The following MAP6 variants were observed in gnomAD, a reference collection of about 807,000 sequenced individuals.
The protein encoded by MAP6 is microtubule associated protein 6.
Under a neutral mutation model 42.4 loss-of-function variants are expected in MAP6, and 26 were observed. That is an observed-to-expected ratio of 0.61 (90% CI 0.45 to 0.85). The LOEUF is 0.85. Among genes scored for constraint, MAP6 ranks in the 40% least tolerant of loss-of-function variants. MAP6 has a pLI of 0.00. For synonymous variants in MAP6, 418 were observed against 443.8 expected (o/e 0.94, Z 0.73); for missense variants, 966 against 1,099.0 (o/e 0.88, Z 1.71).
intron 1 of MAP6, among the ~76,000 whole-genome samples, chr11:75,658,069 A>G (rs1232304284): frequency 1.3e-5 from 2 of 152,214 alleles, no homozygotes; most frequent in Non-Finnish European, 2.9e-5. Flanking sequence ...CAATTTATGT[A>G]TCCTACTGTT....
Position 75,606,024 on chromosome 11 carries a change from G to A in MAP6, c.1120-20C>T, listed in dbSNP as rs199654964. Reference sequence around the variant, plus strand: ...TTCCACCTGTACGGAGAGACAGACCGCAAATACAGAAACACAAAAAGGTGG... The same window carrying A: ...TTCCACCTGTACGGAGAGACAGACCACAAATACAGAAACACAAAAAGGTGG... On this transcript the variant is annotated intron_variant, in intron 2 of 3. Transcript: ENST00000304771. 7.5e-6 allele frequency: 12 copies of A among 1,609,106 alleles called. No individual in the cohort carries two copies. Among genetic ancestry groups the A allele is most frequent in the East Asian group, 4.5e-5 (2 of 44,840 alleles).
At chr11:75,620,580 A>C (rs912051266) in intron 1 of MAP6, among the ~76,000 whole-genome samples, 2 of 152,196 alleles carry the variant, frequency 1.3e-5, no homozygotes, top group Non-Finnish European at 2.9e-5. Flanking sequence ...TGATGCCCTG[A>C]TACCAAGCCA....
chr11:75,614,427 G>A (rs915724760), intron 1 of MAP6, among the ~76,000 whole-genome samples: 2 of 152,154 alleles, frequency 1.3e-5, no homozygotes, highest in African/African-American at 4.8e-5. Context: ...TGGGAGTGGT[G>A]GTGCATGACT....
chr11:75,604,314 G>A, intron 3 of MAP6: 1 of 985,786 alleles, frequency 1.0e-6, no homozygotes, highest in African/African-American at 1.7e-5. Context: ...AATGGTCGGA[G>A]TAAGAGAGAG....
At chr11:75,644,477 T>C (rs932305591) in intron 1 of MAP6, among the ~76,000 whole-genome samples, 18 of 152,194 alleles carry the variant, frequency 1.2e-4, no homozygotes, top group African/African-American at 4.1e-4. Flanking sequence ...TATATAGTAA[T>C]TCACTTAATC....
chr11:75,615,635 A>C (rs1264979241), intron 1 of MAP6, among the ~76,000 whole-genome samples: 1 of 152,192 alleles, frequency 6.6e-6, no homozygotes, highest in East Asian at 1.9e-4. Context: ...TGAATGCTGA[A>C]GTCAACATTC....
intron 1 of MAP6, among the ~76,000 whole-genome samples, chr11:75,642,094 A>T (rs1943479903): frequency 6.6e-6 from 1 of 152,282 alleles, no homozygotes; most frequent in East Asian, 1.9e-4. Flanking sequence ...TTCTTTTAGC[A>T]CATTTACTAT....
At chr11:75,643,979 A>G (rs1419663917) in intron 1 of MAP6, among the ~76,000 whole-genome samples, 2 of 152,180 alleles carry the variant, frequency 1.3e-5, no homozygotes, top group Non-Finnish European at 2.9e-5. Flanking sequence ...ACCAATTTGC[A>G]TTTCAACATC....
intron 1 of MAP6, among the ~76,000 whole-genome samples, chr11:75,622,658 A>T (rs1232638805): frequency 2.6e-5 from 4 of 152,252 alleles, no homozygotes; most frequent in Non-Finnish European, 4.4e-5. Flanking sequence ...GAAATGCAAA[A>T]GATCTAGAAT....
At chr11:75,592,316 G>A (rs1264628830) in intron 3 of MAP6, among the ~76,000 whole-genome samples, 1 of 152,206 alleles carries the variant, frequency 6.6e-6, no homozygotes, top group African/African-American at 2.4e-5. Context: ...AGAGCTCCCT[G>A]AAGACAGGGG....
rs924601662 is a variant in MAP6 at position 75,617,649 on chromosome 11, C to T, written c.906-9327G>A. 4.0e-5 allele frequency among the ~76,000 whole-genome samples: 6 copies of T among 150,428 alleles called. No individual in the cohort carries two copies. The East Asian group carries it at 5.8e-4, about 15-fold the overall frequency. On this transcript the variant is annotated intron_variant, in intron 1 of 3. Transcript: ENST00000304771. Reference sequence around the variant, plus strand: ...AAATGGTGCAAAATAAGAAAACTTACGGTTGGCCGAGGTGGAGGATAAGAG... The same window carrying T: ...AAATGGTGCAAAATAAGAAAACTTATGGTTGGCCGAGGTGGAGGATAAGAG...
intron 1 of MAP6, among the ~76,000 whole-genome samples, chr11:75,661,597 G>A (rs966540656): frequency 3.9e-5 from 6 of 152,006 alleles, no homozygotes; most frequent in Admixed American, 6.5e-5. Context: ...CTGATGCTGA[G>A]CCTTCAATAA....
chr11:75,664,864 T>C (rs1032205393), intron 1 of MAP6, among the ~76,000 whole-genome samples: 7 of 152,162 alleles, frequency 4.6e-5, no homozygotes, highest in Non-Finnish European at 1.0e-4. Context: ...AATTTCTCAA[T>C]TATTTGTTAA....
At position 75,587,431 on chromosome 11, in the gene MAP6, A is replaced by G; in HGVS notation, c.2070T>C (p.His690=). 6.2e-7 allele frequency: 1 copy of G among 1,614,096 alleles called. No homozygotes were observed. Among genetic ancestry groups the G allele is most frequent in the Non-Finnish European group, 8.5e-7 (1 of 1,179,994 alleles). Residue 690 remains histidine (H), a synonymous_variant, in exon 4 of 4, where the codon CAT becomes CAC. Transcript: ENST00000304771. ...VKDQDVVVPE[H]AKVHDSAVVA... is the part of the protein sequence containing the mutation. ...CAACTGCAGAATCGTGAACCTTTGCATGCTCTGGGACTACAACATCTTGAT... is the reference window on the plus strand; with the variant it reads ...CAACTGCAGAATCGTGAACCTTTGCGTGCTCTGGGACTACAACATCTTGAT...
chr11:75,662,082 A>T (rs1183515162), intron 1 of MAP6, among the ~76,000 whole-genome samples: 1 of 152,162 alleles, frequency 6.6e-6, no homozygotes. Flanking sequence ...AAATAAAATA[A>T]GATAATATAG....
At chr11:75,591,730 A>G (rs962769615) in intron 3 of MAP6, among the ~76,000 whole-genome samples, 4 of 152,198 alleles carry the variant, frequency 2.6e-5, no homozygotes, top group African/African-American at 9.7e-5. Flanking sequence ...ACCTCTCAGA[A>G]AGTACAATGA....
chr11:75,620,406 G>A lies in MAP6; in HGVS notation c.906-12084C>T, dbSNP rs191081336. 9.0e-4 allele frequency among the ~76,000 whole-genome samples: 136 copies of A among 151,080 alleles called. 1 individual carries two copies. The highest frequency in any genetic ancestry group is 1.8e-3 in the Non-Finnish European group (120 of 67,820). On this transcript the variant is annotated intron_variant, in intron 1 of 3. Transcript: ENST00000304771. The stretch of plus-strand genomic sequence containing the variant: ...GGATGGCTTAAGCCCAGGAGGTGGA[G>A]TTTGCAGTGAGCAGAGATGGTGCCA...
intron 1 of MAP6, among the ~76,000 whole-genome samples, chr11:75,665,031 C>A (rs1037454992): frequency 1.3e-5 from 2 of 152,040 alleles, no homozygotes; most frequent in African/African-American, 4.8e-5. Context: ...TACTCCTGGC[C>A]CGAAAGCCAT....
At chr11:75,644,947 T>A (rs1220451068) in intron 1 of MAP6, among the ~76,000 whole-genome samples, 1 of 152,068 alleles carries the variant, frequency 6.6e-6, no homozygotes, top group African/African-American at 2.4e-5. Flanking sequence ...ATCAGAGCAG[T>A]AAAGGCAGCT....
Sources: allele counts gnomAD v4.1 joint callset (sites outside exome capture counted in the v4.1 genomes callset), GRCh38; gene constraint gnomAD v4.1.1; transcripts MANE v1.5; gene names NCBI Gene and HGNC (gene_info 2026-07-23, HGNC 2026-07-21).